The following TBC1D8 variants were observed in gnomAD, a reference collection of about 807,000 sequenced individuals.
TBC1D8 encodes TBC1 domain family member 8.
In TBC1D8, 65 loss-of-function variants were observed where a neutral mutation model predicts 118.8. The ratio of observed to expected loss-of-function variants is 0.55; its 90% CI spans 0.45 to 0.67. TBC1D8 has a LOEUF of 0.67. Among genes scored for constraint, TBC1D8 ranks in the 30% least tolerant of loss-of-function variants. The probability of loss-of-function intolerance (pLI) is 0.00; values close to 1 mark genes in which losing one functional copy is unlikely to be tolerated. For synonymous variants in TBC1D8, 566 were observed against 595.8 expected (o/e 0.95, Z 0.73); for missense variants, 1,376 against 1,471.2 (o/e 0.94, Z 1.06).
At chr2:101,060,818 TAG>T (rs1044262272) in intron 2 of TBC1D8, among the ~76,000 whole-genome samples, 13 of 152,108 alleles carry the variant, frequency 8.5e-5, no homozygotes, top group African/African-American at 3.1e-4. Context: ...TCAAAGAAAT[TAG>T]ACAACAACAG....
chr2:101,103,879 T>TAG (rs1433513557), intron 1 of TBC1D8, among the ~76,000 whole-genome samples: 9 of 151,948 alleles, frequency 5.9e-5, no homozygotes, highest in African/African-American at 2.2e-4. Context: ...AAGATATATA[T>TAG]ATAGAGAGAG....
chr2:101,031,678 C>A (rs745660821), intron 11 of TBC1D8, among the ~76,000 whole-genome samples: 1 of 152,166 alleles, frequency 6.6e-6, no homozygotes, highest in Non-Finnish European at 1.5e-5. Context: ...CGTTGCAAGG[C>A]CACAAGTTAC....
intron 1 of TBC1D8, among the ~76,000 whole-genome samples, chr2:101,150,805 A>C (rs964317478): frequency 5.3e-5 from 8 of 152,056 alleles, no homozygotes; most frequent in African/African-American, 1.9e-4. Context: ...GGCGGCCCCG[A>C]GCCCTCCGGC....
At chr2:101,061,210 A>AAAAAAG (rs1682736050) in intron 2 of TBC1D8, among the ~76,000 whole-genome samples, 1 of 149,754 alleles carries the variant, frequency 6.7e-6, no homozygotes, top group Non-Finnish European at 1.5e-5. Context: ...AAAAAAAAAA[A>AAAAAAG]GCCAGGCATG....
intron 1 of TBC1D8, among the ~76,000 whole-genome samples, chr2:101,142,631 C>T (rs1417228970): frequency 6.6e-6 from 1 of 151,982 alleles, no homozygotes; most frequent in African/African-American, 2.4e-5. Flanking sequence ...AAACATAATG[C>T]AGGGGGTGGG....
intron 1 of TBC1D8, among the ~76,000 whole-genome samples, chr2:101,144,834 A>G (rs1679255824): frequency 6.6e-6 from 1 of 152,150 alleles, no homozygotes; most frequent in Admixed American, 6.5e-5. Flanking sequence ...GCTACTCAGG[A>G]GGCTGAGGCA....
At chr2:101,120,082 C>G (rs1678027610) in intron 1 of TBC1D8, among the ~76,000 whole-genome samples, 1 of 152,184 alleles carries the variant, frequency 6.6e-6, no homozygotes, top group Non-Finnish European at 1.5e-5. Context: ...GGGTCCCTGA[C>G]TCCACCACCA....
chr2:101,059,653 G>A, intron 2 of TBC1D8, 114 bp from the exon 3 acceptor site: 1 of 951,932 alleles, frequency 1.1e-6, no homozygotes, highest in Non-Finnish European at 1.6e-6. Flanking sequence ...TAAAACATCT[G>A]GCCTTGGCCA....
At chr2:101,015,659 G>A (rs112071447) in intron 17 of TBC1D8, among the ~76,000 whole-genome samples, 8,024 of 152,114 alleles carry the variant, frequency 0.053, 719 homozygotes, top group African/African-American at 0.18. Context: ...ATCACGCTAC[G>A]TGACTTCAAA....
intron 2 of TBC1D8, among the ~76,000 whole-genome samples, chr2:101,069,899 A>T: frequency 6.8e-6 from 1 of 147,552 alleles, no homozygotes; most frequent in East Asian, 2.0e-4. Flanking sequence ...TACAACATTT[A>T]TATACAGAGC....
At chr2:101,077,117 G>A (rs368847621) in intron 2 of TBC1D8, among the ~76,000 whole-genome samples, 10 of 151,946 alleles carry the variant, frequency 6.6e-5, no homozygotes, top group African/African-American at 1.5e-4. Context: ...TCCGCCTCCC[G>A]GGTTCACGCC....
chr2:101,117,966 G>A (rs1310766689), intron 1 of TBC1D8, among the ~76,000 whole-genome samples: 2 of 151,354 alleles, frequency 1.3e-5, no homozygotes, highest in African/African-American at 4.9e-5. Context: ...CCTCTTGCAG[G>A]GACACTGGAA....
chr2:101,105,372 C>T (rs1242551071), intron 1 of TBC1D8, among the ~76,000 whole-genome samples: 1 of 151,890 alleles, frequency 6.6e-6, no homozygotes, highest in Non-Finnish European at 1.5e-5. Flanking sequence ...TGACAAATAA[C>T]ATATGAAGTG....
At chr2:101,103,320 A>T (rs979825327) in intron 1 of TBC1D8, among the ~76,000 whole-genome samples, 1 of 147,954 alleles carries the variant, frequency 6.8e-6, no homozygotes, top group African/African-American at 2.5e-5. Flanking sequence ...TCATGATTTT[A>T]AAAAAAAAAA....
intron 3 of TBC1D8, among the ~76,000 whole-genome samples, chr2:101,055,286 G>T (rs1241694435): frequency 6.6e-6 from 1 of 151,930 alleles, no homozygotes; most frequent in Non-Finnish European, 1.5e-5. Flanking sequence ...CTACTTGGGA[G>T]GCTGAGGCAC....
At chr2:101,055,200 A>G (rs1167348075) in intron 3 of TBC1D8, among the ~76,000 whole-genome samples, 1 of 150,992 alleles carries the variant, frequency 6.6e-6, no homozygotes, top group African/African-American at 2.4e-5. Context: ...GACCAGCCTG[A>G]CCAACATGGT....
At chr2:101,053,289 G>T (rs535867079) in intron 4 of TBC1D8, among the ~76,000 whole-genome samples, 1 of 152,184 alleles carries the variant, frequency 6.6e-6, no homozygotes, top group Non-Finnish European at 1.5e-5. Context: ...ACACTCCGAG[G>T]GTGTGGAAGG....
At chr2:101,030,241 C>G (rs771673114) in intron 11 of TBC1D8, among the ~76,000 whole-genome samples, 8 of 152,120 alleles carry the variant, frequency 5.3e-5, no homozygotes, top group Non-Finnish European at 1.0e-4. Flanking sequence ...AATGAAAATG[C>G]AAGCTTCAAA....
intron 2 of TBC1D8, among the ~76,000 whole-genome samples, chr2:101,086,561 T>G (rs959090579): frequency 2.0e-5 from 3 of 150,858 alleles, no homozygotes; most frequent in African/African-American, 4.9e-5. Flanking sequence ...ACTCATCATA[T>G]GCAAAGCAAA....
Sources: gnomAD v4.1 joint callset for allele counts (sites outside exome capture counted in the v4.1 genomes callset) on GRCh38, gnomAD v4.1.1 for gene constraint, MANE v1.5 for transcripts, NCBI Gene and HGNC (gene_info 2026-07-23, HGNC 2026-07-21) for gene names.